The following PDZRN4 variants were observed in gnomAD, a reference collection of about 807,000 sequenced individuals.
PDZRN4 encodes the protein PDZ domain-containing RING finger protein 4.
PDZRN4 carries 70 observed loss-of-function variants against 99.0 expected under a neutral mutation model. The observed-to-expected ratio is 0.71, with a 90% CI of 0.58 to 0.86. The LOEUF is 0.86. Ranked by LOEUF, PDZRN4 falls within the 40% of genes least tolerant of loss-of-function variation. The pLI is 0.00. For synonymous variants in PDZRN4, 551 were observed against 501.6 expected, an observed-to-expected ratio of 1.10 and a Z score of -1.32; for missense variants, 1,474 against 1,331.2, an observed-to-expected ratio of 1.11 and a Z score of -1.67.
intron 3 of PDZRN4, chr12:41,438,057 T>C: frequency 6.2e-7 from 1 of 1,603,956 alleles, no homozygotes; most frequent in Non-Finnish European, 8.5e-7. Flanking sequence ...CCAGGCTTTG[T>C]GTTTGTCTGA....
intron 1 of PDZRN4, 79 bp from the exon 2 acceptor site, chr12:41,191,379 G>C: frequency 2.8e-6 from 2 of 725,650 alleles, no homozygotes; most frequent in Non-Finnish European, 4.7e-6. Flanking sequence ...TTAACTTACA[G>C]TACATAAAAA....
chr12:41,524,751 A>T (rs1449200082), intron 5 of PDZRN4, among the ~76,000 whole-genome samples: 2 of 152,122 alleles, frequency 1.3e-5, no homozygotes, highest in Admixed American at 6.5e-5. Context: ...ATTTTATTTT[A>T]ATTTCTATTT....
chr12:41,562,833 A>T (rs2120832907), intron 7 of PDZRN4, among the ~76,000 whole-genome samples: 1 of 152,262 alleles, frequency 6.6e-6, no homozygotes, highest in Middle Eastern at 3.4e-3. Flanking sequence ...ACTCATCATT[A>T]TTTTAAAAAT....
At chr12:41,205,702 C>G (rs746690945) in intron 3 of PDZRN4, among the ~76,000 whole-genome samples, 3 of 151,894 alleles carry the variant, frequency 2.0e-5, no homozygotes, top group Admixed American at 6.6e-5. Flanking sequence ...ATTGCCTTCT[C>G]CTGGCAATAT....
chr12:41,478,046 G>T, intron 3 of PDZRN4: 1 of 637,258 alleles, frequency 1.6e-6, no homozygotes, highest in Admixed American at 2.7e-5. Flanking sequence ...CTGGTTCTGT[G>T]TCCCCCAATA....
rs1950794880 is a variant in PDZRN4, at chr12:41,198,704, T to C, written c.843+4516T>C. Among the ~76,000 whole-genome samples the C allele has an allele frequency of 3.3e-5, 5 of 151,572 alleles. No individual in the cohort carries two copies. The South Asian group carries it at 1.0e-3, about 32-fold the overall frequency. ...GCAGCACACCAGCATGGCACATGTATACATATGTAACTAACCTGCACATTG... is the reference window on the plus strand; with the variant it reads ...GCAGCACACCAGCATGGCACATGTACACATATGTAACTAACCTGCACATTG... On this transcript the variant is annotated intron_variant, in intron 3 of 9. Transcript: ENST00000402685.
At chr12:41,239,551 G>A (rs1317779556) in intron 3 of PDZRN4, among the ~76,000 whole-genome samples, 1 of 152,116 alleles carries the variant, frequency 6.6e-6, no homozygotes, top group African/African-American at 2.4e-5. Flanking sequence ...TAATAACATA[G>A]GGAAATTACA....
intron 3 of PDZRN4, among the ~76,000 whole-genome samples, chr12:41,217,834 G>A (rs889326667): frequency 1.3e-5 from 2 of 151,944 alleles, no homozygotes; most frequent in South Asian, 2.1e-4. Flanking sequence ...GCAGAGTTCC[G>A]CTCTGTGCTC....
chr12:41,206,963 T>C (rs1275184354), intron 3 of PDZRN4, among the ~76,000 whole-genome samples: 1 of 151,982 alleles, frequency 6.6e-6, no homozygotes, highest in East Asian at 1.9e-4. Flanking sequence ...TTCTTTGTTA[T>C]AGTGTCACAA....
intron 3 of PDZRN4, among the ~76,000 whole-genome samples, chr12:41,497,051 C>T (rs1480889375): frequency 1.3e-5 from 2 of 152,174 alleles, no homozygotes; most frequent in East Asian, 1.9e-4. Context: ...CAATTTATTT[C>T]GTTTATTTAA....
Position 41,188,480 on chromosome 12 carries a change from G to C in PDZRN4, c.25G>C (p.Ala9Pro). Residue 9 changes from alanine (A) to proline (P), a missense_variant, in exon 1 of 10, where the codon GCA becomes CCA. Ala to Pro is a conservative substitution (Grantham distance 27). Transcript: ENST00000402685. ...CATGGGCTTTGCCCTGGAGCGCTTCGCAGAAGCCGTGGACCCGGCTCTGGA... is the reference window on the plus strand; with the variant it reads ...CATGGGCTTTGCCCTGGAGCGCTTCCCAGAAGCCGTGGACCCGGCTCTGGA... MGFALERF[A>P]EAVDPALECK... is the part of the protein sequence containing the mutation. 1.3e-6 allele frequency: 2 copies of C among 1,592,506 alleles called. No homozygotes were observed. The highest frequency in any genetic ancestry group is 1.7e-6 in the Non-Finnish European group (2 of 1,176,974).
chr12:41,400,482 G>A (rs1024866151), intron 3 of PDZRN4, among the ~76,000 whole-genome samples: 1 of 152,104 alleles, frequency 6.6e-6, no homozygotes, highest in African/African-American at 2.4e-5. Flanking sequence ...TGGGCAGAAG[G>A]CATACTTTAG....
chr12:41,364,305 T>C lies in PDZRN4; in HGVS notation c.844-142151T>C, dbSNP rs546054071. ...ATTATCCAGTAAGCTTTCTGAAAGTTTTTTTCTGAGTGGCAGAACCTCAGT... is the reference window on the plus strand; with the variant it reads ...ATTATCCAGTAAGCTTTCTGAAAGTCTTTTTCTGAGTGGCAGAACCTCAGT... On this transcript the variant is annotated intron_variant, in intron 3 of 9. Transcript: ENST00000402685. 2.9e-3 allele frequency among the ~76,000 whole-genome samples: 436 copies of C among 152,202 alleles called. 2 individuals are homozygous for C. Among genetic ancestry groups the C allele is most frequent in the African/African-American group, 9.6e-3 (400 of 41,550 alleles).
At chr12:41,372,850 T>G (rs1252818644) in intron 3 of PDZRN4, among the ~76,000 whole-genome samples, 2 of 152,114 alleles carry the variant, frequency 1.3e-5, no homozygotes. Flanking sequence ...TGGAAAGAAG[T>G]CTATACAGGA....
In PDZRN4 at chr12:41,545,366, G is replaced by A. The variant is rs773186100; in HGVS notation, c.1204-7290G>A. Among the ~76,000 whole-genome samples the A allele has an allele frequency of 5.3e-5, 8 of 152,008 alleles. 1 individual carries two copies. On this transcript the variant is annotated intron_variant, in intron 5 of 9. Transcript: ENST00000402685. ...TGCATGGTCAATGTTTCTCTGTTTG[G>A]AAATTTGGTCTCCTTGGTAAACACC...
chr12:41,517,378 G>A (rs1470656664), intron 5 of PDZRN4, among the ~76,000 whole-genome samples: 22 of 152,010 alleles, frequency 1.4e-4, no homozygotes, highest in Non-Finnish European at 3.1e-4. Context: ...TTGCATTACT[G>A]AAAGGTGTCT....
chr12:41,537,768 G>C (rs973401708), intron 5 of PDZRN4, among the ~76,000 whole-genome samples: 1 of 152,182 alleles, frequency 6.6e-6, no homozygotes. Flanking sequence ...AGAGGGAGTA[G>C]AAAGTAAGGG....
chr12:41,215,786 A>G (rs1474304969), intron 3 of PDZRN4, among the ~76,000 whole-genome samples: 4 of 151,734 alleles, frequency 2.6e-5, no homozygotes, highest in Non-Finnish European at 5.9e-5. Context: ...TAGTGGTCTA[A>G]ATTCAGTGCT....
chr12:41,491,023 AG>A (rs1937876520), intron 3 of PDZRN4, among the ~76,000 whole-genome samples: 1 of 152,144 alleles, frequency 6.6e-6, no homozygotes, highest in Admixed American at 6.6e-5. Context: ...GAGCACTACC[AG>A]GCTCTCTGAG....
Sources: allele counts gnomAD v4.1 joint callset (sites outside exome capture counted in the v4.1 genomes callset), GRCh38; gene constraint gnomAD v4.1.1; transcripts MANE v1.5; gene names NCBI Gene and HGNC (gene_info 2026-07-23, HGNC 2026-07-21).